Variants in SLC2A13 observed in about 807,000 individuals in gnomAD.
The protein encoded by SLC2A13 is proton myo-inositol cotransporter.
Under a neutral mutation model 64.4 loss-of-function variants are expected in SLC2A13, and 32 were observed. The ratio of observed to expected loss-of-function variants is 0.50; its 90% CI spans 0.37 to 0.67. The LOEUF (loss-of-function observed/expected upper bound fraction) is 0.67. Among genes scored for constraint, SLC2A13 ranks in the 30% least tolerant of loss-of-function variants. The pLI is 0.00. For missense variants in SLC2A13, 743 were observed against 829.2 expected (o/e 0.90, Z 1.28); for synonymous variants, 338 against 327.1 (o/e 1.03, Z -0.36).
intron 5 of SLC2A13, among the ~76,000 whole-genome samples, chr12:39,869,007 G>T (rs946959427): frequency 6.6e-6 from 1 of 151,950 alleles, no homozygotes; most frequent in African/African-American, 2.4e-5. Context: ...ATCATAGTAA[G>T]AACACAAAAT....
chr12:39,930,056 G>A (rs975644482), intron 4 of SLC2A13, among the ~76,000 whole-genome samples: 2 of 151,896 alleles, frequency 1.3e-5, no homozygotes, highest in South Asian at 2.1e-4. Flanking sequence ...GCTTGAACCC[G>A]GGAGGCAGAG....
intron 4 of SLC2A13, among the ~76,000 whole-genome samples, chr12:39,931,695 G>A (rs1945828648): frequency 6.6e-6 from 1 of 152,104 alleles, no homozygotes; most frequent in African/African-American, 2.4e-5. Flanking sequence ...AATTTCAACT[G>A]AGCTTGTAAA....
intron 3 of SLC2A13, among the ~76,000 whole-genome samples, chr12:39,954,229 C>G (rs748787176): frequency 2.6e-5 from 4 of 152,180 alleles, no homozygotes; most frequent in Non-Finnish European, 4.4e-5. Context: ...CAGGCTGCAG[C>G]ACAGGGCAGG....
chr12:40,059,338 CA>C (rs1208829958), intron 1 of SLC2A13, among the ~76,000 whole-genome samples: 1 of 152,128 alleles, frequency 6.6e-6, no homozygotes, highest in Non-Finnish European at 1.5e-5. Flanking sequence ...AACTGGATGA[CA>C]GATAGATAAG....
intron 7 of SLC2A13, among the ~76,000 whole-genome samples, chr12:39,787,807 G>A (rs144109042): frequency 2.0e-5 from 3 of 152,014 alleles, no homozygotes; most frequent in Non-Finnish European, 4.4e-5. Context: ...TAATTTTCTC[G>A]TTATCTAAAA....
At chr12:39,914,756 A>C (rs1945495511) in intron 4 of SLC2A13, among the ~76,000 whole-genome samples, 1 of 151,950 alleles carries the variant, frequency 6.6e-6, no homozygotes, top group South Asian at 2.1e-4. Flanking sequence ...GGAAAAACGG[A>C]CTCGCTGTGT....
intron 6 of SLC2A13, among the ~76,000 whole-genome samples, chr12:39,862,031 C>G (rs763038902): frequency 6.6e-6 from 1 of 152,198 alleles, no homozygotes; most frequent in African/African-American, 2.4e-5. Context: ...TCCCTTCCCC[C>G]ACCACTGCCC....
At chr12:40,015,811 T>C (rs1168280349) in intron 3 of SLC2A13, among the ~76,000 whole-genome samples, 1 of 152,158 alleles carries the variant, frequency 6.6e-6, no homozygotes, top group African/African-American at 2.4e-5. Flanking sequence ...GCCAAGGAGA[T>C]CTATGCAGTT....
Position 39,830,143 on chromosome 12 carries a change from G to C in SLC2A13, c.1405C>G (p.Pro469Ala). The C allele has an allele frequency of 6.2e-7, 1 of 1,613,660 alleles. No homozygotes were observed. The highest frequency in any genetic ancestry group is 8.5e-7 in the Non-Finnish European group (1 of 1,179,766). ...KSTVIDSSCV[P>A]VNKASTNEAA... Reference sequence around the variant, plus strand: ...TCATTTGTAGATGCTTTATTAACTGGAACACAGGAGGAGTCAATGACAGTT... The same window carrying C: ...TCATTTGTAGATGCTTTATTAACTGCAACACAGGAGGAGTCAATGACAGTT... Residue 469 changes from proline to alanine, a missense_variant, in exon 7 of 10, where the codon CCA becomes GCA. Around this residue, in one of 2 missense-constraint regions of SLC2A13, gnomAD observed 295 missense variants for 381.7 expected, o/e 0.77. Transcript: ENST00000280871.
chr12:39,846,807 T>A (rs1386383720), intron 6 of SLC2A13, among the ~76,000 whole-genome samples: 1 of 152,126 alleles, frequency 6.6e-6, no homozygotes, highest in Non-Finnish European at 1.5e-5. Context: ...AATAATAGCA[T>A]CTATCTCAGT....
At chr12:39,973,630 A>T (rs1332409439) in intron 3 of SLC2A13, among the ~76,000 whole-genome samples, 1 of 152,118 alleles carries the variant, frequency 6.6e-6, no homozygotes, top group Non-Finnish European at 1.5e-5. Context: ...TCGGCTACTC[A>T]CTTCTCCTTC....
At chr12:40,098,258 G>T (rs530501451) in intron 1 of SLC2A13, among the ~76,000 whole-genome samples, 1 of 152,274 alleles carries the variant, frequency 6.6e-6, no homozygotes, top group East Asian at 1.9e-4. Context: ...AATACTGCAT[G>T]ATTCCACTTA....
At chr12:40,048,868 A>G (rs1164704064) in intron 1 of SLC2A13, among the ~76,000 whole-genome samples, 1 of 152,064 alleles carries the variant, frequency 6.6e-6, no homozygotes, top group Non-Finnish European at 1.5e-5. Flanking sequence ...TACTCATGTG[A>G]CTTTTTTCTT....
At chr12:39,865,732 T>G (rs972568928) in intron 5 of SLC2A13, among the ~76,000 whole-genome samples, 9 of 152,188 alleles carry the variant, frequency 5.9e-5, no homozygotes, top group Non-Finnish European at 1.2e-4. Flanking sequence ...TGCAGCAACA[T>G]GGATGGAGCT....
intron 3 of SLC2A13, among the ~76,000 whole-genome samples, chr12:39,960,744 C>CTTT (rs71434303): frequency 0.29 from 31,156 of 108,526 alleles, 5,443 homozygotes; most frequent in Non-Finnish European, 0.38. Flanking sequence ...CTGTCTCATT[C>CTTT]TTTTTTTTTT....
chr12:40,049,460 C>T (rs1477207853), intron 1 of SLC2A13, among the ~76,000 whole-genome samples: 2 of 152,106 alleles, frequency 1.3e-5, no homozygotes, highest in Admixed American at 6.6e-5. Context: ...TTATTACATT[C>T]CATACAGCAA....
At chr12:39,856,472 G>A (rs1020200347) in intron 6 of SLC2A13, among the ~76,000 whole-genome samples, 6 of 152,114 alleles carry the variant, frequency 3.9e-5, no homozygotes, top group East Asian at 1.9e-4. Flanking sequence ...GGGCTCAAGC[G>A]TTTCTCCTGC....
intron 7 of SLC2A13, among the ~76,000 whole-genome samples, chr12:39,822,209 G>T (rs1942540296): frequency 6.6e-6 from 1 of 151,868 alleles, no homozygotes; most frequent in Non-Finnish European, 1.5e-5. Context: ...TGAGAATGAT[G>T]ATTTCCAAGA....
chr12:39,836,050 C>G (rs762439012), intron 6 of SLC2A13, among the ~76,000 whole-genome samples: 1 of 152,086 alleles, frequency 6.6e-6, no homozygotes, highest in Non-Finnish European at 1.5e-5. Flanking sequence ...GGGCCAGTTT[C>G]GTTGAGGCCC....
Sources: allele counts gnomAD v4.1 joint callset (sites outside exome capture counted in the v4.1 genomes callset), GRCh38; gene constraint gnomAD v4.1.1; regional missense constraint gnomAD v4.1.1; transcripts MANE v1.5; gene names NCBI Gene and HGNC (gene_info 2026-07-23, HGNC 2026-07-21).